The following CALU variants were observed in gnomAD, a reference collection of about 807,000 sequenced individuals.
CALU encodes the protein IEF SSP 9302.
Under a neutral mutation model 37.5 loss-of-function variants are expected in CALU, and 13 were observed. That is an observed-to-expected ratio of 0.35 (90% CI 0.23 to 0.55). The LOEUF (loss-of-function observed/expected upper bound fraction) is 0.55, where lower values mean the gene tolerates loss of function less well. Ranked by LOEUF, CALU falls within the 20% of genes least tolerant of loss-of-function variation. The pLI is 0.89. For synonymous variants in CALU, 114 were observed against 133.8 expected (o/e 0.85, Z 1.02); for missense variants, 282 against 391.7 (o/e 0.72, Z 2.36).
intron 6 of CALU, 130 bp from the exon 7 acceptor site, chr7:128,768,933 T>C (rs1472842104): frequency 7.0e-6 from 4 of 573,522 alleles, no homozygotes; most frequent in Non-Finnish European, 1.3e-5. Context: ...GAGGGCTGAG[T>C]AGTTCACACT....
In CALU at chr7:128,759,036, A is replaced by G. The variant is rs776702459; in HGVS notation, c.581A>G (p.Gln194Arg). 3.1e-6 allele frequency: 5 copies of G among 1,607,216 alleles called. No homozygotes were observed. The highest frequency in any genetic ancestry group is 2.2e-5 in the East Asian group (1 of 44,814). ...EYDYMKDIVV[Q>R]ETMEDIDKNA... ...GACTACATGAAAGATATAGTAGTACAGGTGGGTGAGATGAAGGATTCTGAA... is the reference window on the plus strand; with the variant it reads ...GACTACATGAAAGATATAGTAGTACGGGTGGGTGAGATGAAGGATTCTGAA... The change falls in exon 4 of 7, where the codon CAG (glutamine) becomes CGG (arginine). Residue 194 changes from glutamine to arginine, a missense_variant and splice_region_variant. Coordinates refer to ENST00000249364, the MANE Select transcript of CALU (RefSeq NM_001219.5).
At chr7:128,760,919 CA>C (rs910602817) in intron 5 of CALU, among the ~76,000 whole-genome samples, 1 of 151,112 alleles carries the variant, frequency 6.6e-6, no homozygotes, top group East Asian at 1.9e-4. Context: ...AACAAACAAA[CA>C]AAAAAAAGAG....
At chr7:128,749,417 C>T (rs1360805997) in intron 2 of CALU, among the ~76,000 whole-genome samples, 3 of 152,134 alleles carry the variant, frequency 2.0e-5, no homozygotes, top group South Asian at 2.1e-4. Flanking sequence ...ATCTTTTGTC[C>T]TGAAAAATGG....
intron 3 of CALU, among the ~76,000 whole-genome samples, chr7:128,757,273 T>C (rs11763672): frequency 0.28 from 42,293 of 151,940 alleles, 6,917 homozygotes; most frequent in Non-Finnish European, 0.38. Flanking sequence ...TACATAGTCC[T>C]GAAACCTTGT....
intron 4 of CALU, among the ~76,000 whole-genome samples, chr7:128,759,291 T>C (rs544863267): frequency 6.6e-6 from 1 of 152,340 alleles, no homozygotes; most frequent in South Asian, 2.1e-4. Context: ...TATTTTGCCA[T>C]TTCATTGGTA....
chr7:128,743,317 C>T (rs906956687), intron 1 of CALU, among the ~76,000 whole-genome samples: 1 of 152,074 alleles, frequency 6.6e-6, no homozygotes, highest in African/African-American at 2.4e-5. Context: ...GCTCATACAG[C>T]TAAGTCTTTT....
Position 128,772,407 on chromosome 7 carries a change from T to C in CALU, c.*3240T>C. The stretch of plus-strand genomic sequence containing the variant: ...AATAGTAAGAAAATGAAAAATTGAC[T>C]CCCCAAACTGCCATCACTCCTTTTA... On this transcript the variant is annotated 3_prime_UTR_variant, in exon 7 of 7. Coordinates refer to ENST00000249364, the MANE Select transcript of CALU (RefSeq NM_001219.5). The C allele has an allele frequency of 9.3e-7, 1 of 1,073,866 alleles. No homozygotes were observed. The highest frequency in any genetic ancestry group is 1.4e-6 in the Non-Finnish European group (1 of 723,496). 66.5% of individuals were successfully genotyped at this position (1,073,866 alleles called of 1,614,324 possible). A position where few individuals can be genotyped will look rare whatever the true frequency, so the allele number is the denominator to read the frequency against.
intron 1 of CALU, among the ~76,000 whole-genome samples, chr7:128,740,750 T>C (rs1800208432): frequency 1.3e-5 from 2 of 152,202 alleles, no homozygotes; most frequent in Admixed American, 1.3e-4. Flanking sequence ...TGAATAGTAC[T>C]CAATATAGCT....
At position 128,769,444 on chromosome 7, in the gene CALU, T is replaced by C. The variant is rs1479705557; in HGVS notation, c.*277T>C. On this transcript the variant is annotated 3_prime_UTR_variant, in exon 7 of 7. Transcript: ENST00000249364. ...TGTTTATTTTTGTATTTTTCTCTGGTTGGGAGTATGATATGAAGGATCAAG... is the reference window on the plus strand; with the variant it reads ...TGTTTATTTTTGTATTTTTCTCTGGCTGGGAGTATGATATGAAGGATCAAG... The C allele has an allele frequency of 9.2e-6, 2 of 217,674 alleles. No individual in the cohort carries two copies. The highest frequency in any genetic ancestry group is 5.3e-5 in the Admixed American group (1 of 18,956). 13.5% of individuals were successfully genotyped at this position (217,674 alleles called of 1,614,324 possible).
At chr7:128,767,116 G>A (rs952242233) in intron 5 of CALU, among the ~76,000 whole-genome samples, 6 of 152,162 alleles carry the variant, frequency 3.9e-5, no homozygotes, top group African/African-American at 7.2e-5. Flanking sequence ...AAGTGGTCCC[G>A]TTTAATTAGC....
chr7:128,771,290 G>T lies in CALU; in HGVS notation c.*2123G>T, dbSNP rs3211119. The T allele has an allele frequency of 9.9e-5, 15 of 151,948 alleles. No homozygotes were observed. Among genetic ancestry groups the T allele is most frequent in the Non-Finnish European group, 5.9e-5 (4 of 67,778 alleles). The allele number at this position is 151,948 out of a possible 1,614,324, so 9.4% of individuals were successfully genotyped here. On this transcript the variant is annotated 3_prime_UTR_variant, in exon 7 of 7. Transcript: ENST00000249364. ...ATGATCCCTTTGAAATTTTTTTTTT[G>T]TTTGTTTGTTTAAATCAAGCCTGAG...
chr7:128,747,585 C>T (rs923002240), intron 1 of CALU: 8 of 152,340 alleles, frequency 5.3e-5, no homozygotes, highest in African/African-American at 1.9e-4. Flanking sequence ...AGCTGCCTTC[C>T]CAGTGATGAA....
intron 2 of CALU, 123 bp downstream of exon 2, chr7:128,748,927 G>A (rs2290227): frequency 0.051 from 32,200 of 631,330 alleles, 1,039 homozygotes; most frequent in East Asian, 0.1. Flanking sequence ...TCTTCTGAAA[G>A]CTAACCATGG....
At chr7:128,763,285 C>T (rs2128882331) in intron 5 of CALU, among the ~76,000 whole-genome samples, 1 of 152,170 alleles carries the variant, frequency 6.6e-6, no homozygotes, top group Admixed American at 6.5e-5. Context: ...AATCCCAACA[C>T]TTTGGGAGGC....
chr7:128,752,293 A>T (rs1417900164), intron 2 of CALU, among the ~76,000 whole-genome samples: 1 of 152,230 alleles, frequency 6.6e-6, no homozygotes, highest in Non-Finnish European at 1.5e-5. Flanking sequence ...TAAGTTTGCC[A>T]ACCCCTAGGT....
At chr7:128,745,863 G>C (rs189335975) in intron 1 of CALU, among the ~76,000 whole-genome samples, 6 of 152,226 alleles carry the variant, frequency 3.9e-5, no homozygotes, top group African/African-American at 1.4e-4. Flanking sequence ...AGTACAGCAG[G>C]ATACAGTATT....
At chr7:128,756,154 A>G (rs1800875519) in intron 3 of CALU, among the ~76,000 whole-genome samples, 2 of 152,348 alleles carry the variant, frequency 1.3e-5, no homozygotes, top group East Asian at 1.9e-4. Flanking sequence ...CTGAGACCCA[A>G]CACCTTCCTG....
intron 1 of CALU, among the ~76,000 whole-genome samples, 158 bp downstream of exon 1, chr7:128,739,590 C>G (rs1169768408): frequency 1.3e-5 from 2 of 151,978 alleles, no homozygotes; most frequent in African/African-American, 2.4e-5. Flanking sequence ...CTGGAGATCC[C>G]GGGACCCTCT....
intron 2 of CALU, among the ~76,000 whole-genome samples, chr7:128,751,647 A>G (rs550033067): frequency 1.3e-5 from 2 of 152,334 alleles, no homozygotes; most frequent in South Asian, 2.1e-4. Flanking sequence ...GGATCCCTTC[A>G]GCCGGGAAGG....
Sources: gnomAD v4.1 joint callset for allele counts (sites outside exome capture counted in the v4.1 genomes callset) on GRCh38, gnomAD v4.1.1 for gene constraint, MANE v1.5 for transcripts, NCBI Gene and HGNC (gene_info 2026-07-23, HGNC 2026-07-21) for gene names.